The following SWI5 variants were observed in gnomAD, a reference collection of about 807,000 sequenced individuals.
SWI5 encodes SWI5 homologous recombination repair protein, also known as DNA repair protein SWI5 homolog.
SWI5 carries 12 observed loss-of-function variants against 17.0 expected under a neutral mutation model. That is an observed-to-expected ratio of 0.71 (90% CI 0.45 to 1.14). The LOEUF (loss-of-function observed/expected upper bound fraction) is 1.14. SWI5 is among the 50% of genes most tolerant of loss of function. SWI5 has a pLI of 0.00. For synonymous variants in SWI5, 61 were observed against 64.0 expected, an observed-to-expected ratio of 0.95 and a Z score of 0.22; for missense variants, 158 against 162.2, an observed-to-expected ratio of 0.97 and a Z score of 0.14.
chr9:128,279,772 C>T (rs577489321), intron 2 of SWI5, among the ~76,000 whole-genome samples: 1 of 152,282 alleles, frequency 6.6e-6, no homozygotes, highest in South Asian at 2.1e-4. Context: ...GCTGGTGGAG[C>T]AGAGTGTTTC....
intron 3 of SWI5, 117 bp downstream of exon 3, chr9:128,284,748 G>C (rs538316642): frequency 2.4e-6 from 3 of 1,276,512 alleles, no homozygotes; most frequent in Non-Finnish European, 3.2e-6. Flanking sequence ...TTGAGGTCAG[G>C]AGTTTGAGAC....
upstream of SWI5, chr9:128,276,168 A>T (rs1831354309): frequency 1.3e-6 from 2 of 1,576,774 alleles, no homozygotes; most frequent in Non-Finnish European, 1.7e-6. Flanking sequence ...GGCCAGAGGG[A>T]CCTGTGGCGT....
chr9:128,277,819 C>T (rs1831455071), intron 2 of SWI5, among the ~76,000 whole-genome samples: 1 of 152,158 alleles, frequency 6.6e-6, no homozygotes, highest in Non-Finnish European at 1.5e-5. Flanking sequence ...GGGGTGGCAG[C>T]CATAGTTTGC....
At chr9:128,282,164 G>A (rs372311700) in intron 2 of SWI5, among the ~76,000 whole-genome samples, 23 of 152,114 alleles carry the variant, frequency 1.5e-4, no homozygotes, top group Non-Finnish European at 1.5e-5. Context: ...TGAGGTGGGC[G>A]GATCACGATG....
At chr9:128,276,659 C>T in intron 1 of SWI5, 48 bp from the exon 2 acceptor site, 1 of 1,614,074 alleles carries the variant, frequency 6.2e-7, no homozygotes, top group Non-Finnish European at 8.5e-7. Context: ...CCCGTCCTCA[C>T]AGCGGGCTGT....
chr9:128,279,041 AT>A (rs1831488977), intron 2 of SWI5, among the ~76,000 whole-genome samples: 1 of 152,118 alleles, frequency 6.6e-6, no homozygotes, highest in Non-Finnish European at 1.5e-5. Context: ...AAGTGCTGGG[AT>A]TACAGGCATG....
At chr9:128,278,827 CA>C in intron 2 of SWI5, 1 of 369,934 alleles carries the variant, frequency 2.7e-6, no homozygotes, top group Non-Finnish European at 5.3e-6. Context: ...GGCTGGAATG[CA>C]ATGACACGAT....
At chr9:128,275,451 C>T (rs1309702079), upstream of SWI5, 1 of 1,299,050 alleles carries the variant, frequency 7.7e-7, no homozygotes. Context: ...TCCTTGGAGA[C>T]CCGAGACCAA....
chr9:128,285,251 G>A lies in SWI5; in HGVS notation c.233+620G>A, dbSNP rs58903518. On this transcript the variant is annotated intron_variant, in intron 3 of 4. Transcript: ENST00000418976. The surrounding 1 kb of genome is among the most constrained non-coding windows in gnomAD (Gnocchi z 4.8). ...AGAAAGGAAGGGAAAGAAGGAAAGG[G>A]GGGAAGGAAAGGGAAGGAAGGAAGG... 0.25 allele frequency among the ~76,000 whole-genome samples: 36,975 copies of A among 149,692 alleles called. 5,788 individuals carry two copies. The highest frequency in any genetic ancestry group is 0.45 in the African/African-American group (18,357 of 40,576).
Position 128,285,763 on chromosome 9 carries a change from G to T in SWI5, c.234-176G>T, listed in dbSNP as rs1350042842. ...TTTGCCAGGAGTGAGGACCTGGGAA[G>T]ATCCCCTGCCCTGCTGTAAGCTTCA... On this transcript the variant is annotated intron_variant, in intron 3 of 4. Transcript: ENST00000418976. This position sits in a 1 kb window ranked among gnomAD's most constrained non-coding sequence, Gnocchi z 4.8. Among the ~76,000 whole-genome samples, 2 of 152,176 alleles carry T rather than the reference G, an allele frequency of 1.3e-5. No individual in the cohort carries two copies. The highest frequency in any genetic ancestry group is 2.9e-5 in the Non-Finnish European group (2 of 68,024).
intron 4 of SWI5, 113 bp from the exon 5 acceptor site, chr9:128,288,539 G>A: frequency 9.1e-7 from 1 of 1,094,422 alleles, no homozygotes; most frequent in Non-Finnish European, 1.4e-6. Flanking sequence ...GGACTGGCTT[G>A]AAGCCAGAGG....
chr9:128,285,005 A>G lies in SWI5; in HGVS notation c.233+374A>G, dbSNP rs1831612436. ...AGGTTTAACTCTCTAACTGCCCAGT[A>G]ACTGAAAAACCCAGTCGCACTGGCC... is the stretch of plus-strand genomic sequence containing the variant. On this transcript the variant is annotated intron_variant, in intron 3 of 4. Coordinates refer to ENST00000418976, the Ensembl canonical transcript of SWI5. The surrounding 1 kb of genome is among the most constrained non-coding windows in gnomAD (Gnocchi z 4.8). Among the ~76,000 whole-genome samples, 1 of 151,014 alleles carries G rather than the reference A, an allele frequency of 6.6e-6. No individual in the cohort carries two copies. Among genetic ancestry groups the G allele is most frequent in the African/African-American group, 2.4e-5 (1 of 40,938 alleles).
chr9:128,285,972 T>G lies in SWI5; in HGVS notation c.267T>G (p.Ile89Met), dbSNP rs1337190132. The G allele has an allele frequency of 6.2e-7, 1 of 1,614,094 alleles. No homozygotes were observed. The highest frequency in any genetic ancestry group is 1.1e-5 in the South Asian group (1 of 91,080). ...GTGTGGATGAACTGGAGGACCACAT[T>G]ACCCAGCTTCACGAGTACAATGACA... is the stretch of plus-strand genomic sequence containing the variant. Residue 89 changes from isoleucine (I) to methionine (M), a missense_variant, in exon 4 of 5, where the codon ATT becomes ATG. By Grantham distance (10) the Ile-to-Met change is conservative. Transcript: ENST00000418976. The surrounding 1 kb of genome is among the most constrained non-coding windows in gnomAD (Gnocchi z 4.8).
chr9:128,275,902 C>T (rs1831324873), upstream of SWI5: 1 of 1,567,156 alleles, frequency 6.4e-7, no homozygotes, highest in Non-Finnish European at 8.7e-7. Flanking sequence ...CCTTTTTCTT[C>T]GCTGCGGCCA....
rs1831654965 is a variant in SWI5, at chr9:128,287,168, G to A, written c.328+1135G>A. Reference sequence around the variant, plus strand: ...AAAAAAAAAAAAAAAAAAAAGGCCGGGCTCGCTGGCTCGCACTTGTATCCC... The same window carrying A: ...AAAAAAAAAAAAAAAAAAAAGGCCGAGCTCGCTGGCTCGCACTTGTATCCC... On this transcript the variant is annotated intron_variant, in intron 4 of 4. Transcript: ENST00000418976. Among the ~76,000 whole-genome samples the A allele has an allele frequency of 3.3e-5, 5 of 149,534 alleles. No individual in the cohort carries two copies. In the South Asian group the frequency reaches 1.1e-3, roughly 32 times the overall value.
At chr9:128,275,736 G>A (rs1288567191), upstream of SWI5, among the ~76,000 whole-genome samples, 1 of 152,122 alleles carries the variant, frequency 6.6e-6, no homozygotes, top group Non-Finnish European at 1.5e-5. Flanking sequence ...GGCTGAGGGG[G>A]CGGGGCTGGC....
intron 2 of SWI5, among the ~76,000 whole-genome samples, chr9:128,276,982 T>C (rs1190957380): frequency 6.6e-6 from 1 of 151,962 alleles, no homozygotes; most frequent in East Asian, 1.9e-4. Context: ...GGCTAACTCC[T>C]CTCCCTCCCC....
chr9:128,276,167 G>T (rs373251973), upstream of SWI5: 16 of 1,576,434 alleles, frequency 1.0e-5, no homozygotes, highest in African/African-American at 2.2e-4. Flanking sequence ...TGGCCAGAGG[G>T]ACCTGTGGCG....
chr9:128,278,920 C>T (rs1342044327), intron 2 of SWI5, among the ~76,000 whole-genome samples: 1 of 151,692 alleles, frequency 6.6e-6, no homozygotes, highest in African/African-American at 2.4e-5. Context: ...TTACAGGTGC[C>T]CGCCACCATG....
Sources: gnomAD v4.1 joint callset for allele counts (sites outside exome capture counted in the v4.1 genomes callset) on GRCh38, gnomAD v4.1.1 for gene constraint, Gnocchi (gnomAD v3.1) non-coding constraint, MANE v1.5 for transcripts, NCBI Gene and HGNC (gene_info 2026-07-23, HGNC 2026-07-21) for gene names.